Variants in CCDC178 observed in about 807,000 individuals in gnomAD.
The protein encoded by CCDC178 is coiled-coil domain containing 178, also known as coiled-coil domain-containing protein 178.
CCDC178 carries 126 observed loss-of-function variants against 117.4 expected under a neutral mutation model. The ratio of observed to expected loss-of-function variants is 1.07; its 90% CI spans 0.93 to 1.24. CCDC178 has a LOEUF of 1.24. CCDC178 is among the 50% of genes most tolerant of loss of function. CCDC178 has a pLI of 0.00. For synonymous variants in CCDC178, 283 were observed against 313.4 expected, an observed-to-expected ratio of 0.90 and a Z score of 1.02; for missense variants, 1,030 against 986.9, an observed-to-expected ratio of 1.04 and a Z score of -0.59.
At position 33,337,566 on chromosome 18, in the gene CCDC178, G is replaced by A. The variant is rs994923025; in HGVS notation, c.659-4172C>T. Among the ~76,000 whole-genome samples, 4 of 151,892 alleles carry A rather than the reference G, an allele frequency of 2.6e-5. No homozygotes were observed. The East Asian group carries it at 5.8e-4, about 22-fold the overall frequency. The stretch of plus-strand genomic sequence containing the variant: ...ATGGTATTGGTATAAAAATGGGCAC[G>A]TAGACCAATGGAACAGAATAGAGAA... On this transcript the variant is annotated intron_variant, in intron 9 of 22. Transcript: ENST00000383096.
intron 12 of CCDC178, among the ~76,000 whole-genome samples, chr18:33,289,638 C>A (rs1211950665): frequency 6.6e-6 from 1 of 151,614 alleles, no homozygotes; most frequent in Admixed American, 6.6e-5. Context: ...AAACAAACAA[C>A]AACAAAACTT....
At position 33,184,287 on chromosome 18, in the gene CCDC178, G is replaced by C. The variant is rs916365488; in HGVS notation, c.2238+27609C>G. On this transcript the variant is annotated intron_variant, in intron 20 of 22. Transcript: ENST00000383096. ...AAATACTCATGATGTATTTACTTCG[G>C]AATGCCATTGTCATCTAATTTTGAC... Among the ~76,000 whole-genome samples, 14 of 152,022 alleles carry C rather than the reference G, an allele frequency of 9.2e-5. 1 individual carries two copies. The South Asian group carries it at 2.3e-3, about 25-fold the overall frequency.
At chr18:33,302,283 A>C (rs969131654) in intron 11 of CCDC178, among the ~76,000 whole-genome samples, 1 of 152,206 alleles carries the variant, frequency 6.6e-6, no homozygotes, top group Non-Finnish European at 1.5e-5. Context: ...CCATAAATCA[A>C]CTAAACTTAT....
chr18:33,097,239 C>T (rs1249031688), intron 20 of CCDC178, among the ~76,000 whole-genome samples: 1 of 152,076 alleles, frequency 6.6e-6, no homozygotes, highest in Non-Finnish European at 1.5e-5. Context: ...TGGAACCTGC[C>T]ACCACATTGT....
At chr18:33,131,623 A>C (rs1182716493) in intron 20 of CCDC178, among the ~76,000 whole-genome samples, 3 of 151,790 alleles carry the variant, frequency 2.0e-5, no homozygotes, top group Admixed American at 2.0e-4. Flanking sequence ...GCCATTTCTT[A>C]TAGGATTTAA....
At chr18:33,106,962 A>G (rs1223494823) in intron 20 of CCDC178, among the ~76,000 whole-genome samples, 1 of 151,716 alleles carries the variant, frequency 6.6e-6, no homozygotes, top group Non-Finnish European at 1.5e-5. Context: ...GCAAGAAAGC[A>G]GAGACGAACA....
intron 5 of CCDC178, among the ~76,000 whole-genome samples, chr18:33,387,322 A>G (rs757493584): frequency 6.6e-6 from 1 of 152,200 alleles, no homozygotes; most frequent in Non-Finnish European, 1.5e-5. Flanking sequence ...CCATTAAACT[A>G]CCATTGACAT....
intron 20 of CCDC178, among the ~76,000 whole-genome samples, chr18:33,144,425 TTTAATA>T (rs1252422665): frequency 6.6e-6 from 1 of 152,146 alleles, no homozygotes; most frequent in Non-Finnish European, 1.5e-5. Context: ...TGGGTCATAC[TTTAATA>T]TTAAGTTCTT....
chr18:33,004,274 C>T (rs140873101), intron 21 of CCDC178, among the ~76,000 whole-genome samples: 7 of 151,474 alleles, frequency 4.6e-5, no homozygotes, highest in Middle Eastern at 3.4e-3. Context: ...CTTCAAATTA[C>T]GTTAAACAGC....
chr18:33,105,574 C>A (rs1868444446), intron 20 of CCDC178, among the ~76,000 whole-genome samples: 1 of 151,632 alleles, frequency 6.6e-6, no homozygotes, highest in Non-Finnish European at 1.5e-5. Flanking sequence ...AAGAATTATA[C>A]AGGAATGGTA....
chr18:33,147,898 G>A (rs1476674798), intron 20 of CCDC178, among the ~76,000 whole-genome samples: 1 of 152,214 alleles, frequency 6.6e-6, no homozygotes, highest in Non-Finnish European at 1.5e-5. Context: ...CCCAGACGGG[G>A]TGGCTGCCGG....
In CCDC178 at chr18:33,172,560, G is replaced by A. The variant is rs9945320; in HGVS notation, c.2238+39336C>T. On this transcript the variant is annotated intron_variant, in intron 20 of 22. Coordinates refer to ENST00000383096, the MANE Select transcript of CCDC178 (RefSeq NM_001105528.4). ...ACATTAGGCATGCTATTTCCTAACC[G>A]TTAAAACCTTACTAGGGACATTCTA... 7.3e-3 allele frequency among the ~76,000 whole-genome samples: 1,115 copies of A among 152,032 alleles called. 17 individuals are homozygous for A. Among genetic ancestry groups the A allele is most frequent in the African/African-American group, 0.025 (1,048 of 41,480 alleles).
At chr18:33,283,678 C>G (rs9962832) in intron 12 of CCDC178, among the ~76,000 whole-genome samples, 11,257 of 152,082 alleles carry the variant, frequency 0.074, 687 homozygotes, top group African/African-American at 0.16. Flanking sequence ...CTGATCATTA[C>G]AAAAATGCAA....
At chr18:33,385,219 G>A (rs1237535042) in intron 5 of CCDC178, among the ~76,000 whole-genome samples, 1 of 152,144 alleles carries the variant, frequency 6.6e-6, no homozygotes, top group Non-Finnish European at 1.5e-5. Context: ...CATAAAACAA[G>A]TTCTTAGAGA....
intron 16 of CCDC178, among the ~76,000 whole-genome samples, 159 bp from the exon 17 acceptor site, chr18:33,225,095 A>G (rs2059286741): frequency 6.7e-6 from 1 of 149,566 alleles, no homozygotes; most frequent in Admixed American, 7.0e-5. Flanking sequence ...TATATATTAC[A>G]TATATTATAT....
In CCDC178 at chr18:33,422,139, AT is replaced by A. The variant is rs2064034748; in HGVS notation, c.-22-10030del. ...CTCTTGAATTATTACTTCAATTACC[AT>A]TTTTAAATTATTATCTTACTAGAAA... On this transcript the variant is annotated intron_variant, in intron 2 of 22. Coordinates refer to ENST00000383096, the MANE Select transcript of CCDC178 (RefSeq NM_001105528.4). Among the ~76,000 whole-genome samples, 3 of 152,212 alleles carry A rather than the reference AT, an allele frequency of 2.0e-5. No homozygotes were observed. The South Asian group carries it at 6.2e-4, about 32-fold the overall frequency.
intron 20 of CCDC178, among the ~76,000 whole-genome samples, chr18:33,178,521 T>G (rs1255791431): frequency 2.0e-5 from 3 of 152,098 alleles, no homozygotes; most frequent in Non-Finnish European, 4.4e-5. Flanking sequence ...GGTGTATCCA[T>G]TAGCACCTTA....
intron 11 of CCDC178, among the ~76,000 whole-genome samples, chr18:33,306,650 T>C (rs2062259178): frequency 1.3e-5 from 2 of 149,526 alleles, no homozygotes; most frequent in Admixed American, 1.3e-4. Context: ...ATATGTTATG[T>C]CTAGCATGCT....
At chr18:33,440,735 G>T, upstream of CCDC178, 1 of 154,026 alleles carries the variant, frequency 6.5e-6, no homozygotes, top group South Asian at 1.8e-4. Context: ...GCCCCAAGTC[G>T]GTTATCCCGT....
Sources: gnomAD v4.1 joint callset for allele counts (sites outside exome capture counted in the v4.1 genomes callset) on GRCh38, gnomAD v4.1.1 for gene constraint, MANE v1.5 for transcripts, NCBI Gene and HGNC (gene_info 2026-07-23, HGNC 2026-07-21) for gene names.